Variants in DNAH14 observed in about 807,000 individuals in gnomAD.
The protein encoded by DNAH14 is axonemal beta dynein heavy chain 14.
Under a neutral mutation model 520.9 loss-of-function variants are expected in DNAH14, and 478 were observed. The observed-to-expected ratio is 0.92, with a 90% CI of 0.85 to 0.99. The LOEUF is 0.99. Ranked by LOEUF, DNAH14 falls within the 50% of genes least tolerant of loss-of-function variation. The pLI is 0.00. For synonymous variants in DNAH14, 1,581 were observed against 1,757.2 expected (o/e 0.90, Z 2.51); for missense variants, 4,831 against 5,234.5 (o/e 0.92, Z 2.38).
At chr1:225,351,068 C>T (rs1254576359) in intron 71 of DNAH14, among the ~76,000 whole-genome samples, 2 of 152,156 alleles carry the variant, frequency 1.3e-5, no homozygotes, top group African/African-American at 4.8e-5. Flanking sequence ...AGTTTCACAA[C>T]AGTATGAATA....
chr1:224,964,772 T>C (rs1442704347), intron 5 of DNAH14, among the ~76,000 whole-genome samples, 163 bp downstream of exon 5: 2 of 152,160 alleles, frequency 1.3e-5, no homozygotes, highest in East Asian at 3.8e-4. Flanking sequence ...TCATTTCATT[T>C]TACTTATTTA....
intron 3 of DNAH14, among the ~76,000 whole-genome samples, chr1:224,959,319 A>G (rs377258611): frequency 3.3e-5 from 5 of 152,088 alleles, no homozygotes; most frequent in African/African-American, 9.7e-5. Flanking sequence ...CCATCATTCA[A>G]CATTTGATCT....
Position 225,270,606 on chromosome 1 carries a change from T to C in DNAH14, c.7540-129T>C, listed in dbSNP as rs2093286830. 8.3e-6 allele frequency: 6 copies of C among 726,102 alleles called. No individual in the cohort carries two copies. The East Asian group carries it at 1.8e-4, about 22-fold the overall frequency. 45.0% of individuals were successfully genotyped at this position (726,102 alleles called of 1,614,324 possible). On this transcript the variant is annotated intron_variant, in intron 49 of 85. Coordinates refer to ENST00000682510, the MANE Select transcript of DNAH14 (RefSeq NM_001367479.1). ...ACCACTGTAATCTTTGTTTTTGCAA[T>C]AAATAGTAATTAAATCTTTTTGTCT...
intron 69 of DNAH14, among the ~76,000 whole-genome samples, chr1:225,342,683 AACACACACACACACAC>A (rs10572962): frequency 2.1e-4 from 31 of 148,128 alleles, no homozygotes; most frequent in East Asian, 1.2e-3. Context: ...ATTTCTCATA[AACACACACACACACAC>A]ACACACACAC....
chr1:225,106,458 T>A (rs1447174448), intron 23 of DNAH14, among the ~76,000 whole-genome samples: 1 of 152,196 alleles, frequency 6.6e-6, no homozygotes, highest in Admixed American at 6.5e-5. Flanking sequence ...TTCTCCTGGA[T>A]AATATCCTGC....
chr1:225,043,701 A>T (rs1225172348), intron 13 of DNAH14, 43 bp from the exon 14 acceptor site: 2 of 1,332,648 alleles, frequency 1.5e-6, no homozygotes, highest in Non-Finnish European at 2.1e-6. Context: ...TATAAATATC[A>T]ATCAATTTTG....
intron 17 of DNAH14, among the ~76,000 whole-genome samples, chr1:225,078,560 C>G (rs1439570070): frequency 1.3e-5 from 2 of 152,126 alleles, no homozygotes; most frequent in African/African-American, 4.8e-5. Flanking sequence ...ACTTAAATAA[C>G]ACTTAGAATT....
At chr1:225,226,117 C>T (rs1256313800) in intron 41 of DNAH14, among the ~76,000 whole-genome samples, 3 of 152,164 alleles carry the variant, frequency 2.0e-5, no homozygotes, top group Non-Finnish European at 4.4e-5. Context: ...GCCTGCAACC[C>T]GCAACTGTTA....
At chr1:225,283,270 A>G (rs910047135) in intron 54 of DNAH14, among the ~76,000 whole-genome samples, 14 of 152,162 alleles carry the variant, frequency 9.2e-5, no homozygotes, top group African/African-American at 3.4e-4. Flanking sequence ...ATCCAACTAT[A>G]TGCTATCAAC....
intron 38 of DNAH14, among the ~76,000 whole-genome samples, chr1:225,198,152 A>G (rs1404425510): frequency 6.6e-6 from 1 of 151,916 alleles, no homozygotes; most frequent in Non-Finnish European, 1.5e-5. Flanking sequence ...TTTCCCACTC[A>G]CTATTATATT....
At chr1:225,278,074 T>C (rs79640593) in intron 54 of DNAH14, among the ~76,000 whole-genome samples, 1 of 152,262 alleles carries the variant, frequency 6.6e-6, no homozygotes, top group East Asian at 1.9e-4. Context: ...TTTTTTTTAT[T>C]CAGAACAGCT....
At chr1:224,992,671 TTTTC>T (rs1227295559) in intron 8 of DNAH14, among the ~76,000 whole-genome samples, 2 of 152,140 alleles carry the variant, frequency 1.3e-5, no homozygotes, top group South Asian at 2.1e-4. Flanking sequence ...AACTTTAGTT[TTTTC>T]TTTCTTATTA....
chr1:224,974,715 C>T (rs1338752925), intron 8 of DNAH14, among the ~76,000 whole-genome samples: 1 of 152,116 alleles, frequency 6.6e-6, no homozygotes, highest in Non-Finnish European at 1.5e-5. Context: ...ATAGCTATAT[C>T]CACCTTCCTC....
intron 27 of DNAH14, among the ~76,000 whole-genome samples, chr1:225,132,303 C>G (rs1393008223): frequency 6.6e-6 from 1 of 151,966 alleles, no homozygotes; most frequent in Non-Finnish European, 1.5e-5. Flanking sequence ...CAGATCATCC[C>G]GTCACCTAGG....
intron 47 of DNAH14, 130 bp downstream of exon 47, chr1:225,264,391 A>G: frequency 1.2e-6 from 1 of 831,740 alleles, no homozygotes; most frequent in Non-Finnish European, 1.9e-6. Context: ...AAAAGTCTCA[A>G]AAACTATCCC....
At position 225,270,853 on chromosome 1, in the gene DNAH14, G is replaced by A; in HGVS notation, c.7658G>A (p.Cys2553Tyr). ...CCTCATCCTTCACAAGACATCTTAT[G>A]TACTATTTTCCAGGTAACACATCTA... ...VLPHPSQDIL[C>Y]TIFQAHLGIY... The change falls in exon 50 of 86, where the codon TGT becomes TAT. Residue 2553 changes from cysteine (C) to tyrosine (Y), a missense_variant. Coordinates refer to ENST00000682510, the MANE Select transcript of DNAH14 (RefSeq NM_001367479.1). The A allele has an allele frequency of 1.3e-6, 2 of 1,550,578 alleles. No homozygotes were observed. The highest frequency in any genetic ancestry group is 1.2e-5 in the South Asian group (1 of 83,894).
At position 225,197,476 on chromosome 1, in the gene DNAH14, G is replaced by T. The variant is rs571341837; in HGVS notation, c.5886+4565G>T. Among the ~76,000 whole-genome samples the T allele has an allele frequency of 2.0e-5, 3 of 152,130 alleles. No homozygotes were observed. In the South Asian group the frequency reaches 6.2e-4, roughly 32 times the overall value. ...GTATAGCCTGAAATCAAGTAATATG[G>T]TGCCTCCAAATTTGTTATTTTTGCT... On this transcript the variant is annotated intron_variant, in intron 38 of 85. Coordinates refer to ENST00000682510, the MANE Select transcript of DNAH14 (RefSeq NM_001367479.1).
chr1:225,113,259 G>T (rs145424076), intron 23 of DNAH14, among the ~76,000 whole-genome samples: 2 of 152,316 alleles, frequency 1.3e-5, no homozygotes, highest in Non-Finnish European at 2.9e-5. Context: ...GGTGGCCTTG[G>T]ATAAGATTCA....
intron 3 of DNAH14, among the ~76,000 whole-genome samples, chr1:224,956,082 A>C (rs2060491957): frequency 6.6e-6 from 1 of 152,042 alleles, no homozygotes; most frequent in South Asian, 2.1e-4. Flanking sequence ...TTATTTGACC[A>C]CTTATTTCCA....
Sources: allele counts gnomAD v4.1 joint callset (sites outside exome capture counted in the v4.1 genomes callset), GRCh38; gene constraint gnomAD v4.1.1; transcripts MANE v1.5; gene names NCBI Gene and HGNC (gene_info 2026-07-23, HGNC 2026-07-21).